Variants in CFAP61 observed in about 807,000 individuals in gnomAD.
CFAP61 encodes cilia- and flagella-associated protein 61.
A neutral mutation model predicts 135.6 loss-of-function variants in CFAP61; 107 were observed. The ratio of observed to expected loss-of-function variants is 0.79; its 90% CI spans 0.67 to 0.93. The LOEUF is 0.93. Ranked by LOEUF, CFAP61 falls within the 40% of genes least tolerant of loss-of-function variation. The pLI is 0.00. For synonymous variants in CFAP61, 575 were observed against 578.5 expected (o/e 0.99, Z 0.09); for missense variants, 1,507 against 1,556.2 (o/e 0.97, Z 0.53).
chr20:20,163,242 C>T (rs2053545671), intron 10 of CFAP61, among the ~76,000 whole-genome samples: 1 of 152,160 alleles, frequency 6.6e-6, no homozygotes, highest in African/African-American at 2.4e-5. Context: ...CAAAGGGAAT[C>T]ATCTTCTGAG....
chr20:20,322,264 T>C (rs1320500032), intron 25 of CFAP61, among the ~76,000 whole-genome samples: 1 of 152,216 alleles, frequency 6.6e-6, no homozygotes, highest in Admixed American at 6.5e-5. Flanking sequence ...TGTTGCTCTA[T>C]GCTACTGAGT....
intron 18 of CFAP61, among the ~76,000 whole-genome samples, chr20:20,232,499 C>T (rs142853973): frequency 1.7e-4 from 26 of 152,248 alleles, no homozygotes; most frequent in African/African-American, 6.0e-4. Context: ...GCATTGATAT[C>T]ACCTGTGAGT....
intron 17 of CFAP61, among the ~76,000 whole-genome samples, chr20:20,224,566 T>C (rs912811145): frequency 3.3e-5 from 5 of 152,150 alleles, no homozygotes; most frequent in African/African-American, 1.2e-4. Context: ...TGGGTTACTG[T>C]TGATCTCTAC....
chr20:20,113,972 A>AG (rs2048969594), intron 8 of CFAP61, among the ~76,000 whole-genome samples: 2 of 151,298 alleles, frequency 1.3e-5, no homozygotes, highest in Admixed American at 6.6e-5. Flanking sequence ...AGCTCAAAAA[A>AG]AAAAAAAAAA....
intron 25 of CFAP61, among the ~76,000 whole-genome samples, chr20:20,324,834 C>A (rs2057685038): frequency 6.6e-6 from 1 of 152,090 alleles, no homozygotes. Context: ...GTTTATTAGT[C>A]ATTTGTATTT....
intron 8 of CFAP61, among the ~76,000 whole-genome samples, chr20:20,129,715 T>A (rs560617177): frequency 6.6e-6 from 1 of 151,730 alleles, no homozygotes; most frequent in African/African-American, 2.4e-5. Flanking sequence ...ATTTTCTGTA[T>A]CTTATAGACA....
intron 25 of CFAP61, among the ~76,000 whole-genome samples, chr20:20,305,618 CCTG>C (rs2056426257): frequency 1.3e-5 from 2 of 152,206 alleles, no homozygotes; most frequent in Non-Finnish European, 1.5e-5. Context: ...AGGCCACTGA[CCTG>C]CTCTCTGTAG....
chr20:20,060,783 G>A lies in CFAP61; in HGVS notation c.143+3987G>A, dbSNP rs537983425. Among the ~76,000 whole-genome samples, 9 of 152,300 alleles carry A rather than the reference G, an allele frequency of 5.9e-5. No homozygotes were observed. The South Asian group carries it at 1.2e-3, about 21-fold the overall frequency. ...GTCTTGCAACTTCCACTGGGTCTCCGGAAGTGCTCCTTCTCAGAACCCAGT... is the reference window on the plus strand; with the variant it reads ...GTCTTGCAACTTCCACTGGGTCTCCAGAAGTGCTCCTTCTCAGAACCCAGT... On this transcript the variant is annotated intron_variant, in intron 2 of 26. Coordinates refer to ENST00000245957, the MANE Select transcript of CFAP61 (RefSeq NM_015585.4).
At chr20:20,070,698 C>G (rs895600501) in intron 2 of CFAP61, among the ~76,000 whole-genome samples, 156 bp from the exon 3 acceptor site, 8 of 152,156 alleles carry the variant, frequency 5.3e-5, no homozygotes, top group Non-Finnish European at 1.2e-4. Context: ...ACGATGTACC[C>G]CAAAGTGGCT....
intron 22 of CFAP61, among the ~76,000 whole-genome samples, chr20:20,282,544 T>G (rs2054274716): frequency 6.6e-6 from 1 of 152,208 alleles, no homozygotes. Context: ...CTTGGATTAT[T>G]TAGAACTGGA....
intron 17 of CFAP61, among the ~76,000 whole-genome samples, chr20:20,206,015 G>T (rs2056843812): frequency 6.6e-6 from 1 of 152,088 alleles, no homozygotes; most frequent in African/African-American, 2.4e-5. Context: ...TGGGTGGAGG[G>T]AAGAGACAGG....
chr20:20,262,870 A>G lies in CFAP61; in HGVS notation c.2329-86A>G, dbSNP rs113105192. Reference sequence around the variant, plus strand: ...CGGGACAGAAAAAGACATACTGAATATTGCTATGTCTACTTTTTTTTTTTT... The same window carrying G: ...CGGGACAGAAAAAGACATACTGAATGTTGCTATGTCTACTTTTTTTTTTTT... On this transcript the variant is annotated intron_variant, in intron 20 of 26. Coordinates refer to ENST00000245957, the MANE Select transcript of CFAP61 (RefSeq NM_015585.4). 3.3e-4 allele frequency: 222 copies of G among 668,780 alleles called. 2 individuals carry two copies. In the African/African-American group the frequency reaches 3.8e-3, roughly 11 times the overall value. The allele number at this position is 668,780 out of a possible 1,614,324, so 41.4% of individuals were successfully genotyped here. A position where few individuals can be genotyped will look rare whatever the true frequency, so the allele number is the denominator to read the frequency against.
At chr20:20,218,945 G>A (rs1049980876) in intron 17 of CFAP61, among the ~76,000 whole-genome samples, 1 of 152,176 alleles carries the variant, frequency 6.6e-6, no homozygotes, top group African/African-American at 2.4e-5. Flanking sequence ...GTTAAAGATA[G>A]TGGGCCCCAG....
At chr20:20,122,254 A>C (rs923869706) in intron 8 of CFAP61, among the ~76,000 whole-genome samples, 5 of 152,034 alleles carry the variant, frequency 3.3e-5, no homozygotes, top group African/African-American at 1.2e-4. Flanking sequence ...CCCTGGTTCA[A>C]GTGATTCTCC....
rs531902764 is a variant in CFAP61, at chr20:20,062,612, G to A, written c.143+5816G>A. Among the ~76,000 whole-genome samples, 20 of 152,004 alleles carry A rather than the reference G, an allele frequency of 1.3e-4. 2 individuals are homozygous for A. In the South Asian group the frequency reaches 4.1e-3, roughly 32 times the overall value. ...CCTAAAGAAAAAAAAAATCTGACAAGATTAATCAGGAAAAAAAGAAAAACT... is the reference window on the plus strand; with the variant it reads ...CCTAAAGAAAAAAAAAATCTGACAAAATTAATCAGGAAAAAAAGAAAAACT... On this transcript the variant is annotated intron_variant, in intron 2 of 26. Coordinates refer to ENST00000245957, the MANE Select transcript of CFAP61 (RefSeq NM_015585.4).
At chr20:20,268,374 G>T (rs963130197) in intron 21 of CFAP61, among the ~76,000 whole-genome samples, 2 of 152,152 alleles carry the variant, frequency 1.3e-5, no homozygotes, top group African/African-American at 4.8e-5. Flanking sequence ...TGGATATTGG[G>T]CATCAAGAAC....
chr20:20,307,615 A>G (rs1249905802), intron 25 of CFAP61, among the ~76,000 whole-genome samples: 1 of 152,236 alleles, frequency 6.6e-6, no homozygotes, highest in Non-Finnish European at 1.5e-5. Flanking sequence ...TTAAATGAGC[A>G]GATGTTTTAA....
intron 9 of CFAP61, among the ~76,000 whole-genome samples, chr20:20,149,317 A>G (rs2052196585): frequency 6.6e-6 from 1 of 152,218 alleles, no homozygotes; most frequent in Non-Finnish European, 1.5e-5. Context: ...ATTCTAATAA[A>G]AACTTAGCAA....
chr20:20,199,345 G>A (rs1182847172), intron 16 of CFAP61, among the ~76,000 whole-genome samples: 1 of 152,076 alleles, frequency 6.6e-6, no homozygotes, highest in Non-Finnish European at 1.5e-5. Flanking sequence ...GTTACCCCTT[G>A]GATGACATTT....
Sources: allele counts gnomAD v4.1 joint callset (sites outside exome capture counted in the v4.1 genomes callset), GRCh38; gene constraint gnomAD v4.1.1; transcripts MANE v1.5; gene names NCBI Gene and HGNC (gene_info 2026-07-23, HGNC 2026-07-21).